The following FER variants were observed in gnomAD, a reference collection of about 807,000 sequenced individuals.
FER encodes the protein FER tyrosine kinase, also known as tyrosine-protein kinase Fer.
A neutral mutation model predicts 111.0 loss-of-function variants in FER; 63 were observed. The observed-to-expected ratio is 0.57, with a 90% confidence interval of 0.46 to 0.70. FER has a LOEUF of 0.70. Among genes scored for constraint, FER ranks in the 30% least tolerant of loss-of-function variants. The pLI is 0.00. For missense variants in FER, 914 were observed against 954.0 expected (o/e 0.96, Z 0.55); for synonymous variants, 327 against 313.9 (o/e 1.04, Z -0.44).
chr5:109,146,244 A>AT (rs373376729), intron 17 of FER, among the ~76,000 whole-genome samples: 15 of 67,244 alleles, frequency 2.2e-4, no homozygotes, highest in Middle Eastern at 8.1e-3. Context: ...ATATATATAT[A>AT]ATCTATCTAA....
intron 1 of FER, among the ~76,000 whole-genome samples, chr5:108,755,119 A>AT (rs1750938731): frequency 6.6e-6 from 1 of 152,098 alleles, no homozygotes; most frequent in South Asian, 2.1e-4. Flanking sequence ...AAAGCTATTA[A>AT]TTTTTTTGCT....
intron 13 of FER, among the ~76,000 whole-genome samples, chr5:108,995,486 A>G (rs1380383587): frequency 6.8e-6 from 1 of 146,612 alleles, no homozygotes; most frequent in Non-Finnish European, 1.5e-5. Flanking sequence ...CTCATTGTTC[A>G]GCTCCCACTT....
At chr5:109,137,500 A>T (rs948282154) in intron 17 of FER, among the ~76,000 whole-genome samples, 1 of 152,192 alleles carries the variant, frequency 6.6e-6, no homozygotes, top group Admixed American at 6.5e-5. Context: ...GAACTATAAG[A>T]AGTAGGGCAA....
chr5:109,193,460 T>C lies in FER; in HGVS notation c.*5885T>C, dbSNP rs1044245683. On this transcript the variant is annotated 3_prime_UTR_variant, in exon 20 of 20. Coordinates refer to ENST00000281092, the MANE Select transcript of FER (RefSeq NM_005246.4). ...AAACAAATGAATATTTGGAATTCAC[T>C]CTAAGAGATACAAATCCTGAATTTC... 1 of 152,194 alleles carries C rather than the reference T, an allele frequency of 6.6e-6. No homozygotes were observed. The highest frequency in any genetic ancestry group is 2.4e-5 in the African/African-American group (1 of 41,438). 9.4% of individuals were successfully genotyped at this position (152,194 alleles called of 1,614,324 possible).
rs1765854718 is a variant in FER at position 108,883,323 on chromosome 5, A to G, written c.924-73A>G. 4 of 1,393,248 alleles carry G rather than the reference A, an allele frequency of 2.9e-6. No individual in the cohort carries two copies. The South Asian group carries it at 4.6e-5, about 16-fold the overall frequency. The allele number at this position is 1,393,248 out of a possible 1,614,324, so 86.3% of individuals were successfully genotyped here. On this transcript the variant is annotated intron_variant, in intron 8 of 19. Transcript: ENST00000281092. Reference sequence around the variant, plus strand: ...TTTTGGACATTGCAACATAAGATGTATGAATACTTTTTTGATATGTATAAA... The same window carrying G: ...TTTTGGACATTGCAACATAAGATGTGTGAATACTTTTTTGATATGTATAAA...
chr5:109,092,463 C>A (rs1429208841), intron 16 of FER, among the ~76,000 whole-genome samples: 1 of 151,984 alleles, frequency 6.6e-6, no homozygotes, highest in Non-Finnish European at 1.5e-5. Flanking sequence ...AGGACTTAGA[C>A]ATTTTCTCCA....
At chr5:108,936,616 G>A (rs1755511153) in intron 10 of FER, among the ~76,000 whole-genome samples, 1 of 151,988 alleles carries the variant, frequency 6.6e-6, no homozygotes, top group Admixed American at 6.6e-5. Flanking sequence ...CTGGTCCTAA[G>A]ATTTCTAACT....
intron 11 of FER, among the ~76,000 whole-genome samples, chr5:108,952,485 T>C (rs757554469): frequency 2.6e-5 from 4 of 151,922 alleles, no homozygotes; most frequent in Admixed American, 1.3e-4. Context: ...TGTATATACA[T>C]GTGTATATAC....
intron 17 of FER, among the ~76,000 whole-genome samples, chr5:109,166,768 A>G (rs146252653): frequency 6.6e-6 from 1 of 152,188 alleles, no homozygotes; most frequent in East Asian, 1.9e-4. Context: ...TCACATTTAC[A>G]TGTCTGGGGC....
intron 17 of FER, among the ~76,000 whole-genome samples, chr5:109,107,627 A>G (rs1251176209): frequency 2.0e-5 from 3 of 152,094 alleles, no homozygotes; most frequent in Admixed American, 1.3e-4. Context: ...AAGGAAAGTT[A>G]TGGGGTTATC....
intron 2 of FER, among the ~76,000 whole-genome samples, chr5:108,790,616 A>G (rs1016218286): frequency 7.9e-5 from 12 of 152,242 alleles, no homozygotes; most frequent in African/African-American, 2.9e-4. Flanking sequence ...TCTTTAGATA[A>G]TTATAAGTTA....
intron 11 of FER, among the ~76,000 whole-genome samples, chr5:108,949,134 T>C (rs1043236063): frequency 3.9e-5 from 6 of 152,120 alleles, no homozygotes; most frequent in African/African-American, 1.2e-4. Context: ...CATTCAGTTA[T>C]GTTAAGTTGT....
intron 5 of FER, among the ~76,000 whole-genome samples, chr5:108,844,143 T>TGTGTGTGAACAC (rs1561500807): frequency 8.7e-4 from 79 of 91,004 alleles, no homozygotes; most frequent in Middle Eastern, 5.7e-3. Context: ...TGAACATATA[T>TGTGTGTGAACAC]GTGTGTGTGA....
At chr5:108,977,661 CAT>C (rs1367244417) in intron 13 of FER, among the ~76,000 whole-genome samples, 1 of 152,152 alleles carries the variant, frequency 6.6e-6, no homozygotes, top group Admixed American at 6.5e-5. Context: ...ATTATAAAAA[CAT>C]ATTTGGAATG....
chr5:108,886,793 G>T (rs900589534), intron 9 of FER, among the ~76,000 whole-genome samples: 1 of 151,614 alleles, frequency 6.6e-6, no homozygotes, highest in Non-Finnish European at 1.5e-5. Flanking sequence ...TAGAGTCAAG[G>T]TATAATCTTG....
At chr5:109,106,744 C>G (rs1441195497) in intron 17 of FER, among the ~76,000 whole-genome samples, 1 of 152,120 alleles carries the variant, frequency 6.6e-6, no homozygotes, top group Non-Finnish European at 1.5e-5. Context: ...AAATTTCCCA[C>G]CACTAGTTTC....
At chr5:109,042,756 A>G (rs1254077278) in intron 14 of FER, among the ~76,000 whole-genome samples, 8 of 152,160 alleles carry the variant, frequency 5.3e-5, no homozygotes, top group African/African-American at 1.7e-4. Context: ...ACGAAGTATC[A>G]GCTTCTGATT....
chr5:108,884,512 G>GTTT (rs776345488), intron 9 of FER, among the ~76,000 whole-genome samples: 11,311 of 144,084 alleles, frequency 0.079, 490 homozygotes, highest in African/African-American at 0.15. Flanking sequence ...CTTATGCCTG[G>GTTT]TTTTTTTTTT....
At chr5:108,876,235 A>G (rs538087519) in intron 8 of FER, among the ~76,000 whole-genome samples, 77 of 152,328 alleles carry the variant, frequency 5.1e-4, no homozygotes, top group Non-Finnish European at 9.8e-4. Flanking sequence ...GAAGAATTAT[A>G]TTTTGTGACA....
Sources: gnomAD v4.1 joint callset for allele counts (sites outside exome capture counted in the v4.1 genomes callset) on GRCh38, gnomAD v4.1.1 for gene constraint, MANE v1.5 for transcripts, NCBI Gene and HGNC (gene_info 2026-07-23, HGNC 2026-07-21) for gene names.